ZFHX3: variants seen among roughly 807,000 people sequenced by gnomAD.
The protein encoded by ZFHX3 is zinc finger homeobox protein 3.
ZFHX3 carries 42 observed loss-of-function variants against 279.1 expected under a neutral mutation model. The observed-to-expected ratio is 0.15, with a 90% confidence interval of 0.12 to 0.19. ZFHX3 has a LOEUF of 0.19. Among genes scored for constraint, ZFHX3 ranks in the 10% least tolerant of loss-of-function variants. The probability of loss-of-function intolerance (pLI) is 1.00; values close to 1 mark genes in which losing one functional copy is unlikely to be tolerated. For missense variants in ZFHX3, 4,981 were observed against 4,754.0 expected (o/e 1.05, Z -1.40); for synonymous variants, 2,293 against 1,957.8 (o/e 1.17, Z -4.52).
chr16:73,438,718 TAGAATTTCAGAACC>T (rs1314530477), intron 3 of ZFHX3, among the ~76,000 whole-genome samples: 1 of 152,226 alleles, frequency 6.6e-6, no homozygotes, highest in Admixed American at 6.5e-5. Flanking sequence ...TGTGTTAAAT[TAGAATTTCAGAACC>T]TCCAAACTCT....
chr16:73,543,193 C>G (rs2020048420), intron 2 of ZFHX3, among the ~76,000 whole-genome samples: 1 of 152,202 alleles, frequency 6.6e-6, no homozygotes, highest in Admixed American at 6.5e-5. Flanking sequence ...TATTTCTCAT[C>G]ATAACTGAAT....
At chr16:72,985,736 C>T (rs1000236226) in intron 1 of ZFHX3, among the ~76,000 whole-genome samples, 10 of 152,140 alleles carry the variant, frequency 6.6e-5, no homozygotes, top group Non-Finnish European at 1.3e-4. Context: ...GTTGAACTCA[C>T]TAGCAGCTGT....
At chr16:72,942,010 G>C (rs995016463) in intron 3 of ZFHX3, among the ~76,000 whole-genome samples, 1 of 152,140 alleles carries the variant, frequency 6.6e-6, no homozygotes. Flanking sequence ...ACAGAATAAA[G>C]TACATGGTTC....
intron 1 of ZFHX3, among the ~76,000 whole-genome samples, chr16:73,847,836 C>T (rs1961487166): frequency 6.7e-6 from 1 of 149,434 alleles, no homozygotes; most frequent in Non-Finnish European, 1.5e-5. Flanking sequence ...CTCCTGGGTT[C>T]AAGTGATTCT....
chr16:72,880,116 C>T (rs1323729511), intron 4 of ZFHX3, among the ~76,000 whole-genome samples: 1 of 152,338 alleles, frequency 6.6e-6, no homozygotes, highest in Middle Eastern at 3.4e-3. Context: ...CAGAGAAGGC[C>T]TGGTGGGCGC....
Position 72,797,178 on chromosome 16 carries a change from A to G in ZFHX3, c.5504T>C (p.Leu1835Pro). The change falls in exon 9 of 10, where the codon CTG becomes CCG. Residue 1835 changes from leucine (L) to proline (P), a missense_variant. By Grantham distance (98) the Leu-to-Pro change is moderately conservative (BLOSUM62 -3). This residue lies in a region of ZFHX3 where 1,751 missense variants were observed against 1,770.0 expected (regional missense o/e 0.99). Transcript: ENST00000268489. ...TGTGPGLLED[L>P]KAQVQVPQQS... Reference sequence around the variant, plus strand: ...CTGTGGGACCTGAACCTGAGCCTTCAGATCTTCCAGCAGGCCTGGGCCTGT... The same window carrying G: ...CTGTGGGACCTGAACCTGAGCCTTCGGATCTTCCAGCAGGCCTGGGCCTGT... The G allele has an allele frequency of 6.2e-7, 1 of 1,614,056 alleles. No individual in the cohort carries two copies. The highest frequency in any genetic ancestry group is 8.5e-7 in the Non-Finnish European group (1 of 1,180,014).
chr16:72,907,543 A>ATT (rs1442078883), intron 3 of ZFHX3, among the ~76,000 whole-genome samples: 35 of 80,064 alleles, frequency 4.4e-4, no homozygotes, highest in African/African-American at 1.4e-3. Context: ...GGTTTCCTCT[A>ATT]TTTGTGTGTG....
At chr16:73,790,510 T>C (rs1959792306) in intron 1 of ZFHX3, among the ~76,000 whole-genome samples, 1 of 152,226 alleles carries the variant, frequency 6.6e-6, no homozygotes, top group Non-Finnish European at 1.5e-5. Flanking sequence ...TAAACATTAT[T>C]TTCTGCCATT....
chr16:73,688,000 C>A (rs1431328187), intron 1 of ZFHX3, among the ~76,000 whole-genome samples: 2 of 151,872 alleles, frequency 1.3e-5, no homozygotes, highest in Non-Finnish European at 2.9e-5. Context: ...ATAGAGCAGG[C>A]ACATTTCAGT....
At chr16:73,742,489 A>C (rs2053667678) in intron 1 of ZFHX3, among the ~76,000 whole-genome samples, 1 of 152,238 alleles carries the variant, frequency 6.6e-6, no homozygotes, top group African/African-American at 2.4e-5. Flanking sequence ...CTGGTCTTCT[A>C]TTAATATTAG....
At position 73,732,624 on chromosome 16, in the gene ZFHX3, G is replaced by A. The variant is rs1289742360; in HGVS notation, c.-1607-52384C>T. Among the ~76,000 whole-genome samples, 5 of 152,212 alleles carry A rather than the reference G, an allele frequency of 3.3e-5. No homozygotes were observed. In the South Asian group the frequency reaches 8.3e-4, roughly 25 times the overall value. On this transcript the variant is annotated intron_variant, in intron 1 of 17. Transcript: ENST00000641206. Reference sequence around the variant, plus strand: ...GCTTCTAGCTTCTGCTATGGTATTTGTCTAGTTATGGATGACAGAATTCAC... The same window carrying A: ...GCTTCTAGCTTCTGCTATGGTATTTATCTAGTTATGGATGACAGAATTCAC...
intron 2 of ZFHX3, among the ~76,000 whole-genome samples, chr16:73,564,759 A>G (rs971840876): frequency 3.9e-5 from 6 of 152,190 alleles, no homozygotes; most frequent in Non-Finnish European, 8.8e-5. Context: ...CTCTACACCT[A>G]GTGTTCAAGT....
At chr16:73,116,556 G>T (rs543030060) in intron 7 of ZFHX3, among the ~76,000 whole-genome samples, 12 of 152,222 alleles carry the variant, frequency 7.9e-5, no homozygotes, top group African/African-American at 2.4e-4. Context: ...TTTTGTACCT[G>T]GGGATGCAGA....
chr16:72,864,097 G>T (rs2037954375), intron 4 of ZFHX3, among the ~76,000 whole-genome samples: 1 of 151,764 alleles, frequency 6.6e-6, no homozygotes, highest in Non-Finnish European at 1.5e-5. Context: ...CGGCCTGGGC[G>T]AAAGAGCAAG....
chr16:73,251,227 A>G (rs1211466571), intron 5 of ZFHX3, among the ~76,000 whole-genome samples: 2 of 152,226 alleles, frequency 1.3e-5, no homozygotes, highest in African/African-American at 2.4e-5. Context: ...CCAAAGTCTT[A>G]GTGAGGGTAC....
chr16:73,624,158 A>C (rs1343306104), intron 2 of ZFHX3, among the ~76,000 whole-genome samples: 1 of 152,248 alleles, frequency 6.6e-6, no homozygotes, highest in Admixed American at 6.5e-5. Flanking sequence ...GATGCTGCTT[A>C]AACATTATTA....
At chr16:72,939,117 T>C (rs1241224579) in intron 3 of ZFHX3, among the ~76,000 whole-genome samples, 2 of 152,092 alleles carry the variant, frequency 1.3e-5, no homozygotes, top group African/African-American at 4.8e-5. Context: ...ACAAGAGACA[T>C]GGCGGTAGAG....
chr16:73,377,688 G>GT (rs113912311), intron 3 of ZFHX3, among the ~76,000 whole-genome samples: 29,112 of 147,936 alleles, frequency 0.2, 4,405 homozygotes, highest in East Asian at 0.53. Flanking sequence ...ACTCCTTTGT[G>GT]TTTTTTTTTT....
intron 3 of ZFHX3, among the ~76,000 whole-genome samples, chr16:73,431,042 T>C (rs1401045332): frequency 6.6e-6 from 1 of 152,198 alleles, no homozygotes; most frequent in Admixed American, 6.5e-5. Context: ...AGTTTTGTGA[T>C]AAAGAAGGAC....
Sources: allele counts gnomAD v4.1 joint callset (sites outside exome capture counted in the v4.1 genomes callset), GRCh38; gene constraint gnomAD v4.1.1; regional missense constraint gnomAD v4.1.1; transcripts MANE v1.5; gene names NCBI Gene and HGNC (gene_info 2026-07-23, HGNC 2026-07-21).